Variants in DNAH11 observed in about 807,000 individuals in gnomAD.
DNAH11 encodes the protein axonemal beta dynein heavy chain 11.
DNAH11 carries 442 observed loss-of-function variants against 526.0 expected under a neutral mutation model. That is an observed-to-expected ratio of 0.84 (90% CI 0.78 to 0.91). The LOEUF is 0.91. Among genes scored for constraint, DNAH11 ranks in the 40% least tolerant of loss-of-function variants. The pLI, the probability that DNAH11 is intolerant of heterozygous loss-of-function variation, is 0.00. For synonymous variants in DNAH11, 2,461 were observed against 1,935.9 expected, an observed-to-expected ratio of 1.27 and a Z score of -7.12; for missense variants, 6,989 against 5,448.7, an observed-to-expected ratio of 1.28 and a Z score of -8.90.
intron 42 of DNAH11, among the ~76,000 whole-genome samples, chr7:21,715,233 C>T (rs1367956409): frequency 6.6e-6 from 1 of 152,164 alleles, no homozygotes; most frequent in Non-Finnish European, 1.5e-5. Flanking sequence ...ACCCCAGAGG[C>T]CTGAGTAATA....
chr7:21,791,701 A>G (rs1406986507), intron 61 of DNAH11, among the ~76,000 whole-genome samples: 1 of 152,226 alleles, frequency 6.6e-6, no homozygotes, highest in African/African-American at 2.4e-5. Flanking sequence ...TGATGCATTA[A>G]GATACTATTT....
chr7:21,806,200 G>A lies in DNAH11; in HGVS notation c.10166-1683G>A, dbSNP rs886750798. On this transcript the variant is annotated intron_variant, in intron 62 of 81. Coordinates refer to ENST00000409508, the MANE Select transcript of DNAH11 (RefSeq NM_001277115.2). ...CTATAGCAAAATTATTGACGATTTC[G>A]ATAGCCAATCAGTCTATGTTTAGTG... is the stretch of plus-strand genomic sequence containing the variant. Among the ~76,000 whole-genome samples the A allele has an allele frequency of 2.6e-5, 4 of 152,174 alleles. No homozygotes were observed. In the South Asian group the frequency reaches 8.3e-4, roughly 32 times the overall value.
At chr7:21,609,276 C>A (rs909683665) in intron 20 of DNAH11, among the ~76,000 whole-genome samples, 2 of 152,078 alleles carry the variant, frequency 1.3e-5, no homozygotes, top group Admixed American at 1.3e-4. Flanking sequence ...AGTACAGTGG[C>A]ATGATCTCAG....
Position 21,879,058 on chromosome 7 carries a change from T to C in DNAH11, c.12196-1644T>C, listed in dbSNP as rs1310444753. ...TGAAATATGACTTTTAAGCCATAGATTGGACAGCTATTTTTCTTTTAATTT... is the reference window on the plus strand; with the variant it reads ...TGAAATATGACTTTTAAGCCATAGACTGGACAGCTATTTTTCTTTTAATTT... On this transcript the variant is annotated intron_variant, in intron 74 of 81. Transcript: ENST00000409508. 1.3e-5 allele frequency among the ~76,000 whole-genome samples: 2 copies of C among 152,204 alleles called. 1 individual carries two copies. Among genetic ancestry groups the C allele is most frequent in the African/African-American group, 4.8e-5 (2 of 41,454 alleles).
rs139663184 is a variant in DNAH11 at position 21,869,005 on chromosome 7, T to G, written c.11967+14T>G. On this transcript the variant is annotated intron_variant, in intron 73 of 81. Transcript: ENST00000409508. ...GTCATCCTCCAAGTGAGTATTAAGT[T>G]TCAGGGAAGACACTGGGCATAAACA... 233 of 1,613,618 alleles carry G rather than the reference T, an allele frequency of 1.4e-4. No individual in the cohort carries two copies. In the African/African-American group the frequency reaches 2.8e-3, roughly 19 times the overall value.
intron 2 of DNAH11, among the ~76,000 whole-genome samples, chr7:21,556,171 C>T (rs1473382089): frequency 3.3e-5 from 5 of 152,154 alleles, no homozygotes; most frequent in Non-Finnish European, 5.9e-5. Flanking sequence ...GCTTAAGTTT[C>T]GATTTTCCAA....
intron 25 of DNAH11, among the ~76,000 whole-genome samples, chr7:21,629,990 T>C (rs1008129973): frequency 1.3e-5 from 2 of 152,146 alleles, no homozygotes; most frequent in African/African-American, 4.8e-5. Context: ...TTTTTCTTTT[T>C]TACTTTTTTA....
At chr7:21,896,889 T>G (rs1248049668) in intron 79 of DNAH11, among the ~76,000 whole-genome samples, 1 of 152,018 alleles carries the variant, frequency 6.6e-6, no homozygotes, top group Non-Finnish European at 1.5e-5. Flanking sequence ...TGAGACCCTG[T>G]CTCTAAAAAA....
chr7:21,679,932 C>T (rs934106325), intron 30 of DNAH11, among the ~76,000 whole-genome samples: 4 of 152,138 alleles, frequency 2.6e-5, no homozygotes, highest in African/African-American at 7.2e-5. Context: ...AGGTTTGTTA[C>T]ATATGTATAC....
At chr7:21,559,546 ATGTCTTTGGATAAAATGATT>A in intron 3 of DNAH11, 37 bp from the exon 4 acceptor site, 1 of 1,353,926 alleles carries the variant, frequency 7.4e-7, no homozygotes, top group East Asian at 2.5e-5. Flanking sequence ...ATTAAAGTCT[ATGTCTTTGGATAAAATGATT>A]CATCTTTGAA....
chr7:21,819,101 CCTT>C (rs1789942001), intron 65 of DNAH11, among the ~76,000 whole-genome samples: 1 of 152,154 alleles, frequency 6.6e-6, no homozygotes, highest in African/African-American at 2.4e-5. Context: ...TCAAGAGACT[CCTT>C]ATGCCTCTTC....
At chr7:21,627,582 G>A (rs2128456912) in intron 25 of DNAH11, among the ~76,000 whole-genome samples, 1 of 152,134 alleles carries the variant, frequency 6.6e-6, no homozygotes, top group South Asian at 2.1e-4. Context: ...AAAATTAATT[G>A]GCTGTAAATG....
chr7:21,660,831 T>A (rs1040491864), intron 30 of DNAH11, among the ~76,000 whole-genome samples: 2 of 152,112 alleles, frequency 1.3e-5, no homozygotes, highest in African/African-American at 4.8e-5. Context: ...TTACATTCCA[T>A]ACATTTATTT....
At chr7:21,891,224 C>G (rs1430227276) in intron 76 of DNAH11, among the ~76,000 whole-genome samples, 1 of 152,154 alleles carries the variant, frequency 6.6e-6, no homozygotes, top group Non-Finnish European at 1.5e-5. Flanking sequence ...CACTTTGTCT[C>G]CAAGTGATAG....
At position 21,636,034 on chromosome 7, in the gene DNAH11, A is replaced by T; in HGVS notation, c.4664A>T (p.Asp1555Val). 6.2e-7 allele frequency: 1 copy of T among 1,613,456 alleles called. No homozygotes were observed. The highest frequency in any genetic ancestry group is 1.7e-5 in the Admixed American group (1 of 59,974). Residue 1555 changes from aspartate to valine, a missense_variant, in exon 26 of 82, where the codon GAT becomes GTT. Physicochemically the swap from Asp to Val is radical, Grantham distance 152. Coordinates refer to ENST00000409508, the MANE Select transcript of DNAH11 (RefSeq NM_001277115.2). The stretch of plus-strand genomic sequence containing the variant: ...GAAAGCATTTTTGTCTGTTCAGAAG[A>T]TATTCGAATCCAGCTTGTGAAAGAT... ...HLESIFVCSEDIRIQLVKDAR... is the reference protein window; with the variant it reads ...HLESIFVCSEVIRIQLVKDAR...
At chr7:21,691,790 T>C (rs1346090070) in intron 35 of DNAH11, among the ~76,000 whole-genome samples, 1 of 152,232 alleles carries the variant, frequency 6.6e-6, no homozygotes, top group Non-Finnish European at 1.5e-5. Context: ...GCCTTGTTCA[T>C]AAATTTCTTA....
intron 25 of DNAH11, among the ~76,000 whole-genome samples, chr7:21,624,635 T>C (rs928942265): frequency 2.6e-5 from 4 of 152,158 alleles, no homozygotes; most frequent in South Asian, 2.1e-4. Context: ...TTCCTGATTT[T>C]AGACAAAAAG....
At chr7:21,890,547 C>T (rs537213771) in intron 76 of DNAH11, among the ~76,000 whole-genome samples, 4 of 152,216 alleles carry the variant, frequency 2.6e-5, no homozygotes, top group African/African-American at 9.6e-5. Context: ...CTAGTAAGCA[C>T]AAACAGAGAA....
chr7:21,758,347 T>A (rs1451976872), intron 54 of DNAH11, among the ~76,000 whole-genome samples: 1 of 152,208 alleles, frequency 6.6e-6, no homozygotes, highest in Non-Finnish European at 1.5e-5. Context: ...CAGCAAAACC[T>A]CAAAAGAATT....
Sources: gnomAD v4.1 joint callset for allele counts (sites outside exome capture counted in the v4.1 genomes callset) on GRCh38, gnomAD v4.1.1 for gene constraint, MANE v1.5 for transcripts, NCBI Gene and HGNC (gene_info 2026-07-23, HGNC 2026-07-21) for gene names.